The following MAGI2 variants were observed in gnomAD, a reference collection of about 807,000 sequenced individuals.
The protein encoded by MAGI2 is membrane associated guanylate kinase, WW and PDZ domain containing 2.
In MAGI2, 35 loss-of-function variants were observed where a neutral mutation model predicts 133.3. That is an observed-to-expected ratio of 0.26 (90% CI 0.20 to 0.35). The LOEUF is 0.35. Ranked by LOEUF, MAGI2 falls within the 10% of genes least tolerant of loss-of-function variation. The pLI, the probability that MAGI2 is intolerant of heterozygous loss-of-function variation, is 1.00. For missense variants in MAGI2, 1,636 were observed against 1,863.4 expected (o/e 0.88, Z 2.25); for synonymous variants, 729 against 710.6 (o/e 1.03, Z -0.41).
intron 1 of MAGI2, among the ~76,000 whole-genome samples, chr7:79,246,734 G>A (rs1832850513): frequency 6.6e-6 from 1 of 152,156 alleles, no homozygotes; most frequent in East Asian, 1.9e-4. Flanking sequence ...TAGAGAGTTT[G>A]TTCAACGGAA....
At chr7:78,878,898 G>C (rs572953941) in intron 2 of MAGI2, among the ~76,000 whole-genome samples, 2 of 152,258 alleles carry the variant, frequency 1.3e-5, no homozygotes, top group South Asian at 4.1e-4. Context: ...TCCATGCCAT[G>C]GCCAGGCTGA....
intron 2 of MAGI2, among the ~76,000 whole-genome samples, chr7:78,686,245 T>G (rs1420478499): frequency 6.6e-6 from 1 of 152,108 alleles, no homozygotes; most frequent in African/African-American, 2.4e-5. Flanking sequence ...TAGGCACCTT[T>G]GCGAGCCATT....
Position 78,751,848 on chromosome 7 carries a change from G to A in MAGI2, c.419-124609C>T, listed in dbSNP as rs143298754. Among the ~76,000 whole-genome samples the A allele has an allele frequency of 4.5e-4, 69 of 152,306 alleles. No individual in the cohort carries two copies. The East Asian group carries it at 0.01, about 23-fold the overall frequency. On this transcript the variant is annotated intron_variant, in intron 2 of 21. Coordinates refer to ENST00000354212, the MANE Select transcript of MAGI2 (RefSeq NM_012301.4). ...ATTTTTTGCCACAGGGCAGACACAC[G>A]TGTGGCACCATGCAGAATGGCTTGA... is the stretch of plus-strand genomic sequence containing the variant.
chr7:78,109,909 A>C (rs1014473476), intron 20 of MAGI2, among the ~76,000 whole-genome samples: 1 of 152,166 alleles, frequency 6.6e-6, no homozygotes, highest in Admixed American at 6.5e-5. Flanking sequence ...GACCTGACTT[A>C]TATTTCCTAA....
chr7:79,237,835 A>G (rs999321831), intron 1 of MAGI2, among the ~76,000 whole-genome samples: 1 of 152,208 alleles, frequency 6.6e-6, no homozygotes, highest in South Asian at 2.1e-4. Flanking sequence ...ATTTTTCACA[A>G]TGATTTTAAG....
intron 16 of MAGI2, among the ~76,000 whole-genome samples, chr7:78,154,188 C>T (rs1224837457): frequency 6.6e-6 from 1 of 152,204 alleles, no homozygotes; most frequent in Admixed American, 6.5e-5. Flanking sequence ...ATCTCCAAAG[C>T]CTATGGACAT....
At chr7:79,363,009 G>A (rs1168024350) in intron 1 of MAGI2, among the ~76,000 whole-genome samples, 1 of 151,564 alleles carries the variant, frequency 6.6e-6, no homozygotes, top group Non-Finnish European at 1.5e-5. Flanking sequence ...GAAATAAACT[G>A]TTTCTAGATA....
intron 10 of MAGI2, among the ~76,000 whole-genome samples, chr7:78,249,135 G>C (rs1006828544): frequency 6.6e-6 from 1 of 152,088 alleles, no homozygotes; most frequent in African/African-American, 2.4e-5. Context: ...CTAATTATCA[G>C]GGAAATACAA....
intron 3 of MAGI2, among the ~76,000 whole-genome samples, chr7:78,625,547 T>C (rs904844975): frequency 2.0e-5 from 3 of 152,130 alleles, no homozygotes; most frequent in Admixed American, 6.6e-5. Flanking sequence ...TAGTTTTAAG[T>C]ACATTTAATA....
Position 78,416,556 on chromosome 7 carries a change from TA to T in MAGI2, c.1046-47344del, listed in dbSNP as rs569031264. 4.4e-3 allele frequency among the ~76,000 whole-genome samples: 669 copies of T among 152,276 alleles called. 6 individuals carry two copies. The highest frequency in any genetic ancestry group is 0.015 in the African/African-American group (617 of 41,572). ...AATTATAGTTCATGATGTTAAGTTC[TA>T]AAACACTTTTTTGCCTCCTAAATAA... On this transcript the variant is annotated intron_variant, in intron 6 of 21. Coordinates refer to ENST00000354212, the MANE Select transcript of MAGI2 (RefSeq NM_012301.4).
intron 1 of MAGI2, among the ~76,000 whole-genome samples, chr7:79,419,397 G>A (rs565520468): frequency 5.5e-4 from 84 of 152,118 alleles, no homozygotes; most frequent in African/African-American, 1.9e-3. Flanking sequence ...CAAAATGAAA[G>A]ACAGTAAGAA....
At chr7:79,065,364 A>G (rs553812452) in intron 1 of MAGI2, among the ~76,000 whole-genome samples, 1 of 152,232 alleles carries the variant, frequency 6.6e-6, no homozygotes, top group Non-Finnish European at 1.5e-5. Flanking sequence ...GAATATCTTA[A>G]TCATATTTGT....
At chr7:78,161,398 C>A (rs1242485640) in intron 15 of MAGI2, among the ~76,000 whole-genome samples, 1 of 152,042 alleles carries the variant, frequency 6.6e-6, no homozygotes, top group Non-Finnish European at 1.5e-5. Flanking sequence ...TCATTTCCAT[C>A]TTAAAATTTG....
At chr7:79,278,420 C>T (rs1010701847) in intron 1 of MAGI2, among the ~76,000 whole-genome samples, 1 of 152,134 alleles carries the variant, frequency 6.6e-6, no homozygotes, top group Non-Finnish European at 1.5e-5. Context: ...CAGCCTAACA[C>T]ACTCACCCCA....
At chr7:78,966,373 T>C (rs1343068511) in intron 2 of MAGI2, among the ~76,000 whole-genome samples, 1 of 152,144 alleles carries the variant, frequency 6.6e-6, no homozygotes, top group Non-Finnish European at 1.5e-5. Context: ...GTCATTCTAC[T>C]GTGCTTCTGC....
At chr7:78,584,421 G>GAAAA (rs57844382) in intron 3 of MAGI2, among the ~76,000 whole-genome samples, 21 of 83,936 alleles carry the variant, frequency 2.5e-4, no homozygotes, top group South Asian at 3.7e-4. Context: ...CTCCGTCTCA[G>GAAAA]AAAAAAAAAA....
Position 78,156,830 on chromosome 7 carries a change from A to C in MAGI2, c.2845+3195T>G, listed in dbSNP as rs201139060. Among the ~76,000 whole-genome samples, 4 of 113,716 alleles carry C rather than the reference A, an allele frequency of 3.5e-5. No homozygotes were observed. The East Asian group carries it at 8.5e-4, about 24-fold the overall frequency. 74.6% of individuals were successfully genotyped at this position (113,716 alleles called of 152,430 possible). A position where few individuals can be genotyped will look rare whatever the true frequency, so the allele number is the denominator to read the frequency against. On this transcript the variant is annotated intron_variant, in intron 16 of 21. Coordinates refer to ENST00000354212, the MANE Select transcript of MAGI2 (RefSeq NM_012301.4). ...AGCCACGAAAAAAAAAACAAACCCA[A>C]AAAAAAACCCCAAAAAACAAAAACA...
intron 2 of MAGI2, among the ~76,000 whole-genome samples, chr7:78,974,332 T>C (rs1469792095): frequency 6.6e-6 from 1 of 151,884 alleles, no homozygotes; most frequent in African/African-American, 2.4e-5. Flanking sequence ...CTAGTGTGGC[T>C]AATTTTTAGC....
chr7:78,242,783 A>T (rs184977584), intron 10 of MAGI2, among the ~76,000 whole-genome samples: 2 of 151,992 alleles, frequency 1.3e-5, no homozygotes, highest in Non-Finnish European at 2.9e-5. Context: ...ATTGTAAGTG[A>T]TTCTTTATCT....
Sources: allele counts gnomAD v4.1 joint callset (sites outside exome capture counted in the v4.1 genomes callset), GRCh38; gene constraint gnomAD v4.1.1; transcripts MANE v1.5; gene names NCBI Gene and HGNC (gene_info 2026-07-23, HGNC 2026-07-21).